XKR4: variants seen among roughly 807,000 people sequenced by gnomAD.
XKR4 encodes XK related 4.
In XKR4, 12 loss-of-function variants were observed where a neutral mutation model predicts 53.9. That is an observed-to-expected ratio of 0.22 (90% CI 0.14 to 0.36). The LOEUF (loss-of-function observed/expected upper bound fraction) is 0.36. XKR4 is among the 10% of genes least tolerant of loss of function. The pLI is 1.00. For missense variants in XKR4, 799 were observed against 859.5 expected (o/e 0.93, Z 0.88); for synonymous variants, 354 against 362.4 (o/e 0.98, Z 0.26).
chr8:55,294,733 T>C (rs2067776), intron 1 of XKR4, among the ~76,000 whole-genome samples: 54,639 of 152,092 alleles, frequency 0.36, 12,020 homozygotes, highest in Non-Finnish European at 0.49. Context: ...TGTCTAATAT[T>C]CCTTTAGCAT....
intron 2 of XKR4, among the ~76,000 whole-genome samples, chr8:55,405,096 T>C (rs1804664092): frequency 6.6e-6 from 1 of 152,220 alleles, no homozygotes; most frequent in Non-Finnish European, 1.5e-5. Context: ...CTCTGCTTCA[T>C]GGGAATGAAG....
At chr8:55,260,401 G>A (rs1193060518) in intron 1 of XKR4, among the ~76,000 whole-genome samples, 1 of 152,194 alleles carries the variant, frequency 6.6e-6, no homozygotes, top group East Asian at 1.9e-4. Context: ...TCTATGAAAG[G>A]TATGGAAAAG....
At chr8:55,185,847 C>A (rs532767388) in intron 1 of XKR4, among the ~76,000 whole-genome samples, 4 of 152,124 alleles carry the variant, frequency 2.6e-5, no homozygotes, top group African/African-American at 9.7e-5. Flanking sequence ...AACTACCCTA[C>A]CACTTTTGAT....
chr8:55,471,298 C>T (rs1805878174), intron 2 of XKR4, among the ~76,000 whole-genome samples: 1 of 151,948 alleles, frequency 6.6e-6, no homozygotes, highest in African/African-American at 2.4e-5. Flanking sequence ...TTACCTAGGA[C>T]AAGTAGGAAA....
At chr8:55,469,817 T>C (rs1006708431) in intron 2 of XKR4, among the ~76,000 whole-genome samples, 9 of 152,120 alleles carry the variant, frequency 5.9e-5, no homozygotes, top group African/African-American at 1.9e-4. Context: ...TGGTTTTCTA[T>C]TGCTCAGGAA....
In XKR4 at chr8:55,435,926, T is replaced by C. The variant is rs920408094; in HGVS notation, c.1006+78049T>C. ...CTCCACAGGATTTTCAAAGGACTGCTAGTGTTCCATCTGAAGACGGAAAGA... is the reference window on the plus strand; with the variant it reads ...CTCCACAGGATTTTCAAAGGACTGCCAGTGTTCCATCTGAAGACGGAAAGA... On this transcript the variant is annotated intron_variant, in intron 2 of 2. Coordinates refer to ENST00000327381, the MANE Select transcript of XKR4 (RefSeq NM_052898.2). Among the ~76,000 whole-genome samples the C allele has an allele frequency of 4.6e-5, 7 of 152,170 alleles. No individual in the cohort carries two copies. The South Asian group carries it at 1.2e-3, about 27-fold the overall frequency.
At chr8:55,225,032 G>T (rs1019413346) in intron 1 of XKR4, among the ~76,000 whole-genome samples, 5 of 152,174 alleles carry the variant, frequency 3.3e-5, no homozygotes, top group Non-Finnish European at 7.3e-5. Flanking sequence ...AAGCTTATTA[G>T]TACATTATAA....
At chr8:55,234,237 T>C (rs1469982123) in intron 1 of XKR4, among the ~76,000 whole-genome samples, 1 of 152,168 alleles carries the variant, frequency 6.6e-6, no homozygotes, top group African/African-American at 2.4e-5. Context: ...CCCTATAGAT[T>C]TGGATATTCT....
intron 2 of XKR4, among the ~76,000 whole-genome samples, chr8:55,516,832 T>C (rs1440145932): frequency 6.6e-6 from 1 of 152,210 alleles, no homozygotes; most frequent in Non-Finnish European, 1.5e-5. Flanking sequence ...TGTATGTTGA[T>C]CGTGGCACTA....
At chr8:55,504,861 T>G (rs1806500206) in intron 2 of XKR4, among the ~76,000 whole-genome samples, 1 of 152,150 alleles carries the variant, frequency 6.6e-6, no homozygotes, top group South Asian at 2.1e-4. Flanking sequence ...CTTCATAGTA[T>G]TCTCTTATAA....
chr8:55,426,040 T>A (rs1805008008), intron 2 of XKR4, among the ~76,000 whole-genome samples: 1 of 152,176 alleles, frequency 6.6e-6, no homozygotes, highest in African/African-American at 2.4e-5. Flanking sequence ...ACCAACACCA[T>A]ACTGCTTTCA....
intron 2 of XKR4, among the ~76,000 whole-genome samples, chr8:55,363,725 G>A (rs1181362734): frequency 1.3e-5 from 2 of 152,134 alleles, no homozygotes; most frequent in African/African-American, 4.8e-5. Context: ...GTCTTCTAAT[G>A]TGCTTGCCCC....
intron 2 of XKR4, among the ~76,000 whole-genome samples, chr8:55,384,279 C>A (rs1302191645): frequency 3.3e-5 from 5 of 152,082 alleles, no homozygotes; most frequent in Non-Finnish European, 7.4e-5. Context: ...AAGGCATGAG[C>A]AAAACCAGGA....
chr8:55,102,481 G>A lies in XKR4; in HGVS notation c.-8G>A. ...TAAAGGAGGGCTCTCCTCCGGTGTG[G>A]AGGCATCATGGCCGCTAAATCAGAC... On this transcript the variant is annotated 5_prime_UTR_variant, in exon 1 of 3. Coordinates refer to ENST00000327381, the MANE Select transcript of XKR4 (RefSeq NM_052898.2). This position sits in a 1 kb window ranked among gnomAD's most constrained non-coding sequence, Gnocchi z 5.1. 6.5e-7 allele frequency: 1 copy of A among 1,547,856 alleles called. No homozygotes were observed. Among genetic ancestry groups the A allele is most frequent in the East Asian group, 2.6e-5 (1 of 38,344 alleles).
intron 1 of XKR4, among the ~76,000 whole-genome samples, chr8:55,162,132 G>C (rs1001952480): frequency 1.3e-5 from 2 of 152,142 alleles, no homozygotes; most frequent in African/African-American, 4.8e-5. Flanking sequence ...ATGTCTGACT[G>C]TGACTCTTTT....
chr8:55,189,615 A>G (rs1176170214), intron 1 of XKR4, among the ~76,000 whole-genome samples: 1 of 152,242 alleles, frequency 6.6e-6, no homozygotes, highest in African/African-American at 2.4e-5. Context: ...GTGCTATAAC[A>G]TCACAATGGC....
chr8:55,463,299 C>A (rs184509577), intron 2 of XKR4, among the ~76,000 whole-genome samples: 1 of 152,234 alleles, frequency 6.6e-6, no homozygotes, highest in East Asian at 1.9e-4. Flanking sequence ...TGCAATCAAA[C>A]TGGAACTCAG....
intron 1 of XKR4, among the ~76,000 whole-genome samples, chr8:55,346,206 C>G (rs1397216500): frequency 2.6e-5 from 4 of 151,948 alleles, no homozygotes; most frequent in Non-Finnish European, 5.9e-5. Flanking sequence ...CTGCCTCAGC[C>G]TTCCGAGTAG....
chr8:55,419,657 T>C (rs764220547), intron 2 of XKR4, among the ~76,000 whole-genome samples: 39 of 152,356 alleles, frequency 2.6e-4, no homozygotes, highest in Non-Finnish European at 4.7e-4. Flanking sequence ...GTTAGGGTCC[T>C]GCTACTTAGC....
Sources: gnomAD v4.1 joint callset for allele counts (sites outside exome capture counted in the v4.1 genomes callset) on GRCh38, gnomAD v4.1.1 for gene constraint, Gnocchi (gnomAD v3.1) non-coding constraint, MANE v1.5 for transcripts, NCBI Gene and HGNC (gene_info 2026-07-23, HGNC 2026-07-21) for gene names.